Variants in NT5C2 observed in about 807,000 individuals in gnomAD.
The protein encoded by NT5C2 is cytosolic purine 5'-nucleotidase.
NT5C2 carries 58 observed loss-of-function variants against 76.1 expected under a neutral mutation model. The observed-to-expected ratio is 0.76, with a 90% CI of 0.62 to 0.95. NT5C2 has a LOEUF of 0.95. Ranked by LOEUF, NT5C2 falls within the 40% of genes least tolerant of loss-of-function variation. The pLI is 0.00. For synonymous variants in NT5C2, 229 were observed against 237.4 expected (o/e 0.96, Z 0.32); for missense variants, 478 against 690.3 (o/e 0.69, Z 3.45).
In NT5C2 at chr10:103,174,936, C is replaced by A. The variant is rs749601574; in HGVS notation, c.23G>T (p.Arg8Leu). The change falls in exon 3 of 19, where the codon CGG becomes CTG. Residue 8 changes from arginine to leucine, a missense_variant. Arg to Leu is a moderately radical substitution (Grantham distance 102). Coordinates refer to ENST00000404739, the MANE Select transcript of NT5C2 (RefSeq NM_001351169.2). MSTSWSD[R>L]LQNAADMPAN... The stretch of plus-strand genomic sequence containing the variant: ...AGGCATATCTGCTGCATTCTGTAAC[C>A]GATCACTCCAGGAGGTTGACATTTT... 6.2e-7 allele frequency: 1 copy of A among 1,611,484 alleles called. No homozygotes were observed. The highest frequency in any genetic ancestry group is 8.5e-7 in the Non-Finnish European group (1 of 1,177,730).
intron 6 of NT5C2, among the ~76,000 whole-genome samples, chr10:103,104,412 T>C (rs935512274): frequency 3.6e-4 from 55 of 152,332 alleles, no homozygotes; most frequent in Non-Finnish European, 1.2e-4. Flanking sequence ...TTTTTAGACA[T>C]AATAGAACCC....
intron 3 of NT5C2, among the ~76,000 whole-genome samples, chr10:103,151,164 A>G (rs1020105150): frequency 3.3e-5 from 5 of 152,138 alleles, no homozygotes; most frequent in Non-Finnish European, 1.5e-5. Flanking sequence ...ACATTTGTTA[A>G]AAACACTAGC....
intron 3 of NT5C2, among the ~76,000 whole-genome samples, chr10:103,143,004 GAAGAA>G (rs2080799073): frequency 6.9e-6 from 1 of 144,758 alleles, no homozygotes; most frequent in African/African-American, 2.5e-5. Context: ...AAAAAAAAAA[GAAGAA>G]TAGAAAAGAG....
chr10:103,107,529 T>A (rs1319070623), intron 4 of NT5C2, among the ~76,000 whole-genome samples: 1 of 151,470 alleles, frequency 6.6e-6, no homozygotes, highest in East Asian at 2.0e-4. Flanking sequence ...TACAAAAAAT[T>A]AGCCGGGTGT....
intron 6 of NT5C2, among the ~76,000 whole-genome samples, chr10:103,103,195 T>A (rs1311582410): frequency 6.6e-6 from 1 of 152,222 alleles, no homozygotes; most frequent in Non-Finnish European, 1.5e-5. Context: ...CCTGGATTAA[T>A]TCCTGCCTGG....
At chr10:103,124,959 TA>T (rs2135814284) in intron 4 of NT5C2, 1 of 151,404 alleles carries the variant, frequency 6.6e-6, no homozygotes, top group Non-Finnish European at 1.5e-5. Context: ...TCCCTTTTTT[TA>T]AAAAATAACT....
chr10:103,109,317 G>A (rs997070046), intron 4 of NT5C2, among the ~76,000 whole-genome samples: 1 of 152,118 alleles, frequency 6.6e-6, no homozygotes, highest in African/African-American at 2.4e-5. Context: ...CACTAATAGA[G>A]TAAGAGCTGG....
intron 9 of NT5C2, among the ~76,000 whole-genome samples, chr10:103,099,322 G>T (rs1158662798): frequency 6.6e-6 from 1 of 152,142 alleles, no homozygotes; most frequent in African/African-American, 2.4e-5. Flanking sequence ...CAATCCACCT[G>T]CCTTGGCATC....
In NT5C2 at chr10:103,109,538, G is replaced by C. The variant is rs542384865; in HGVS notation, c.176-2832C>G. Among the ~76,000 whole-genome samples, 120 of 152,286 alleles carry C rather than the reference G, an allele frequency of 7.9e-4. 2 individuals carry two copies. In the South Asian group the frequency reaches 0.024, roughly 31 times the overall value. ...CTGTATTTAATGAAATAAAGTTCCA[G>C]TATAGCTAAGTAATTTGGGTAATCT... On this transcript the variant is annotated intron_variant, in intron 4 of 18. Transcript: ENST00000404739.
intron 15 of NT5C2, among the ~76,000 whole-genome samples, chr10:103,092,896 C>T (rs1214586569): frequency 7.4e-6 from 1 of 134,378 alleles, no homozygotes; most frequent in Non-Finnish European, 1.7e-5. Context: ...AAGACGCCAA[C>T]ATTCTAAACT....
chr10:103,096,967 A>G (rs757244772), intron 11 of NT5C2, among the ~76,000 whole-genome samples: 3 of 152,074 alleles, frequency 2.0e-5, no homozygotes, highest in Non-Finnish European at 2.9e-5. Flanking sequence ...ATACACATCA[A>G]TAAGGGGTGT....
chr10:103,150,286 A>C (rs2082180032), intron 3 of NT5C2, among the ~76,000 whole-genome samples: 1 of 152,202 alleles, frequency 6.6e-6, no homozygotes, highest in South Asian at 2.1e-4. Flanking sequence ...ATATAAATGG[A>C]ATCAAGTATT....
intron 3 of NT5C2, among the ~76,000 whole-genome samples, chr10:103,167,772 C>T (rs1158090809): frequency 6.6e-6 from 1 of 152,074 alleles, no homozygotes; most frequent in Non-Finnish European, 1.5e-5. Flanking sequence ...ACCAGGACTA[C>T]AGGTGCACAC....
chr10:103,127,072 G>A (rs531672551), intron 4 of NT5C2, among the ~76,000 whole-genome samples: 2 of 152,170 alleles, frequency 1.3e-5, no homozygotes, highest in Admixed American at 1.3e-4. Flanking sequence ...AGCCAGTGGG[G>A]AGAGTTGAGG....
In NT5C2 at chr10:103,127,822, C is replaced by G. The variant is rs1461070255; in HGVS notation, c.175+11584G>C. ...CCGCCCGCCTCGGCCTCCCAAGGTG[C>G]TGGGATTACAGGCGTGAGCCACCGC... On this transcript the variant is annotated intron_variant, in intron 4 of 18. Transcript: ENST00000404739. Among the ~76,000 whole-genome samples the G allele has an allele frequency of 3.9e-5, 6 of 152,090 alleles. No homozygotes were observed. In the East Asian group the frequency reaches 1.2e-3, roughly 29 times the overall value.
intron 4 of NT5C2, among the ~76,000 whole-genome samples, chr10:103,129,413 C>A (rs1383492783): frequency 9.3e-6 from 1 of 107,420 alleles, no homozygotes; most frequent in East Asian, 3.2e-4. Context: ...TCTGCCCGGC[C>A]GCCCCTACTG....
rs1248668310 is a variant in NT5C2, at chr10:103,088,314, G to A, written c.*1358C>T. ...CAACTTTCACTGTACTGGTGAAACAGTTTTAATACCCTAACATACACAGTA... is the reference window on the plus strand; with the variant it reads ...CAACTTTCACTGTACTGGTGAAACAATTTTAATACCCTAACATACACAGTA... On this transcript the variant is annotated 3_prime_UTR_variant, in exon 19 of 19. Coordinates refer to ENST00000404739, the MANE Select transcript of NT5C2 (RefSeq NM_001351169.2). 1 of 152,212 alleles carries A rather than the reference G, an allele frequency of 6.6e-6. No individual in the cohort carries two copies. The highest frequency in any genetic ancestry group is 1.9e-4 in the East Asian group (1 of 5,198). The allele number at this position is 152,212 out of a possible 1,614,324, so 9.4% of individuals were successfully genotyped here. A position where few individuals can be genotyped will look rare whatever the true frequency, so the allele number is the denominator to read the frequency against.
chr10:103,153,967 A>G (rs2082849703), intron 3 of NT5C2, among the ~76,000 whole-genome samples: 1 of 152,194 alleles, frequency 6.6e-6, no homozygotes, highest in African/African-American at 2.4e-5. Flanking sequence ...ATTTCACTTA[A>G]TCGCCTGAAA....
At chr10:103,179,537 C>T (rs1003158559) in intron 2 of NT5C2, among the ~76,000 whole-genome samples, 13 of 152,112 alleles carry the variant, frequency 8.5e-5, no homozygotes, top group African/African-American at 3.1e-4. Context: ...CCACCATGCC[C>T]GGCTAATTTT....
Sources: allele counts gnomAD v4.1 joint callset (sites outside exome capture counted in the v4.1 genomes callset), GRCh38; gene constraint gnomAD v4.1.1; transcripts MANE v1.5; gene names NCBI Gene and HGNC (gene_info 2026-07-23, HGNC 2026-07-21).